The following PCDHA7 variants were observed in gnomAD, a reference collection of about 807,000 sequenced individuals.
PCDHA7 encodes the protein protocadherin alpha 7, also known as protocadherin alpha-7.
A neutral mutation model predicts 57.2 loss-of-function variants in PCDHA7; 37 were observed. The observed-to-expected ratio is 0.65, with a 90% CI of 0.50 to 0.85. The LOEUF (loss-of-function observed/expected upper bound fraction) is 0.85. Ranked by LOEUF, PCDHA7 falls within the 40% of genes least tolerant of loss-of-function variation. The pLI, the probability that PCDHA7 is intolerant of heterozygous loss-of-function variation, is 0.00. For missense variants in PCDHA7, 1,188 were observed against 1,241.8 expected, an observed-to-expected ratio of 0.96 and a Z score of 0.65; for synonymous variants, 553 against 558.8, an observed-to-expected ratio of 0.99 and a Z score of 0.15.
intron 1 of PCDHA7, chr5:140,857,981 C>G (rs377577023): frequency 6.3e-7 from 1 of 1,596,978 alleles, no homozygotes; most frequent in Non-Finnish European, 8.6e-7. Flanking sequence ...GCCACGCCAG[C>G]GCCTACTGGT....
At chr5:140,941,196 TTTCTTC>T (rs1563183935) in intron 1 of PCDHA7, among the ~76,000 whole-genome samples, 3 of 111,280 alleles carry the variant, frequency 2.7e-5, no homozygotes, top group East Asian at 2.3e-4. Context: ...TTTTTTTTTC[TTTCTTC>T]CTTTCTTTCT....
At chr5:140,842,093 G>C (rs145495287) in intron 1 of PCDHA7, 1 of 1,613,850 alleles carries the variant, frequency 6.2e-7, no homozygotes, top group Non-Finnish European at 8.5e-7. Context: ...CGCAGACAAC[G>C]GAACAACAGT....
chr5:140,992,857 CTCT>C (rs2097531206), intron 3 of PCDHA7, among the ~76,000 whole-genome samples: 2 of 152,148 alleles, frequency 1.3e-5, no homozygotes, highest in Non-Finnish European at 2.9e-5. Context: ...ACCAGTTTCA[CTCT>C]AGCTCCCTCC....
intron 1 of PCDHA7, chr5:140,843,073 T>A: frequency 6.3e-7 from 1 of 1,595,338 alleles, no homozygotes; most frequent in East Asian, 2.2e-5. Flanking sequence ...TGCCGCGGTC[T>A]GTGGGCGCGG....
rs1554206636 is a variant in PCDHA7, at chr5:140,929,056, A to G, written c.2356-49893A>G. The G allele has an allele frequency of 1.2e-6, 2 of 1,614,064 alleles. No individual in the cohort carries two copies. Among genetic ancestry groups the G allele is most frequent in the Non-Finnish European group, 1.7e-6 (2 of 1,180,034 alleles). On this transcript the variant is annotated intron_variant, in intron 1 of 3. Transcript: ENST00000525929. ...TTGCGCTCAGAGCTGCTGTCGCTCTACAGAGGATCTGAGGTATGGAAGTAA... is the reference window on the plus strand; with the variant it reads ...TTGCGCTCAGAGCTGCTGTCGCTCTGCAGAGGATCTGAGGTATGGAAGTAA...
intron 1 of PCDHA7, chr5:140,857,065 A>G (rs782608134): frequency 6.3e-7 from 1 of 1,594,864 alleles, no homozygotes; most frequent in Non-Finnish European, 8.6e-7. Flanking sequence ...TAGTGGAACT[A>G]CTGGATGAAA....
At chr5:140,902,185 TTC>T (rs370111655) in intron 1 of PCDHA7, among the ~76,000 whole-genome samples, 3 of 150,766 alleles carry the variant, frequency 2.0e-5, no homozygotes, top group South Asian at 2.1e-4. Flanking sequence ...CCTTTATGTC[TTC>T]TCTCTCTCTC....
In PCDHA7 at chr5:141,011,549, GA is replaced by G. The variant is rs2098421039; in HGVS notation, c.*1615del. Reference sequence around the variant, plus strand: ...CCATTGTTAATCAGCTTTTGTGTATGAAAGACACAGTAAAATTTCTTTCTTA... The same window carrying G: ...CCATTGTTAATCAGCTTTTGTGTATGAAGACACAGTAAAATTTCTTTCTTA... On this transcript the variant is annotated 3_prime_UTR_variant, in exon 4 of 4. Coordinates refer to ENST00000525929, the MANE Select transcript of PCDHA7 (RefSeq NM_018910.3). 1 of 153,674 alleles carries G rather than the reference GA, an allele frequency of 6.5e-6. No individual in the cohort carries two copies. Among genetic ancestry groups the G allele is most frequent in the Non-Finnish European group, 1.5e-5 (1 of 68,008 alleles). The allele number at this position is 153,674 out of a possible 1,614,324, so 9.5% of individuals were successfully genotyped here. A position where few individuals can be genotyped will look rare whatever the true frequency, so the allele number is the denominator to read the frequency against.
At chr5:140,979,055 T>A (rs2096833782) in intron 2 of PCDHA7, 48 bp downstream of exon 2, 1 of 1,607,848 alleles carries the variant, frequency 6.2e-7, no homozygotes, top group Non-Finnish European at 8.5e-7. Flanking sequence ...TAACTTGGTA[T>A]GGCTCAGATA....
At chr5:140,869,141 G>A in intron 1 of PCDHA7, 1 of 1,613,314 alleles carries the variant, frequency 6.2e-7, no homozygotes, top group Non-Finnish European at 8.5e-7. Context: ...GGCACCCCAC[G>A]ACTACAGCTC....
intron 1 of PCDHA7, among the ~76,000 whole-genome samples, chr5:140,961,680 C>T (rs989401730): frequency 3.3e-5 from 5 of 152,040 alleles, no homozygotes; most frequent in African/African-American, 4.8e-5. Flanking sequence ...TTAATTAAGC[C>T]GGAGTAGTCC....
intron 1 of PCDHA7, among the ~76,000 whole-genome samples, chr5:140,893,161 G>A (rs2063850346): frequency 6.6e-6 from 1 of 152,160 alleles, no homozygotes; most frequent in African/African-American, 2.4e-5. Context: ...TGGATATTGA[G>A]GTTGATTCCA....
chr5:140,877,161 G>C (rs2056901330), intron 1 of PCDHA7: 1 of 1,613,828 alleles, frequency 6.2e-7, no homozygotes, highest in Non-Finnish European at 8.5e-7. Context: ...ACAACGCGCC[G>C]GCACTGCTGG....
intron 1 of PCDHA7, chr5:140,883,583 G>T (rs782212784): frequency 2.5e-6 from 4 of 1,613,916 alleles, no homozygotes; most frequent in Non-Finnish European, 3.4e-6. Context: ...GTGGGCCACG[G>T]CCAGCGTGTC....
rs1554143145 is a variant in PCDHA7 at position 140,849,656 on chromosome 5, C to T, written c.2355+12918C>T. The T allele has an allele frequency of 2.4e-5, 38 of 1,598,658 alleles. 2 individuals are homozygous for T. Among genetic ancestry groups the T allele is most frequent in the Non-Finnish European group, 3.2e-5 (37 of 1,168,036 alleles). On this transcript the variant is annotated intron_variant, in intron 1 of 3. Transcript: ENST00000525929. The stretch of plus-strand genomic sequence containing the variant: ...CAGATGCCAACGGGCAGGTTACCTG[C>T]TCCCTGACGCCCCACGTCCCCTTCA...
chr5:140,851,389 T>C, intron 1 of PCDHA7: 1 of 974,212 alleles, frequency 1.0e-6, no homozygotes, highest in Non-Finnish European at 1.2e-6. Flanking sequence ...ACCTTCAGTA[T>C]CTATTATTTT....
intron 1 of PCDHA7, among the ~76,000 whole-genome samples, chr5:140,879,457 T>A (rs1554170803): frequency 6.6e-6 from 1 of 152,176 alleles, no homozygotes; most frequent in Non-Finnish European, 1.5e-5. Context: ...TTTGAAGTCC[T>A]AAGAGAATAC....
intron 3 of PCDHA7, among the ~76,000 whole-genome samples, chr5:140,992,700 G>A (rs2097525204): frequency 6.6e-6 from 1 of 152,162 alleles, no homozygotes; most frequent in Non-Finnish European, 1.5e-5. Flanking sequence ...GGTGGGTAAT[G>A]TTCCTGCCAG....
intron 3 of PCDHA7, among the ~76,000 whole-genome samples, chr5:140,990,586 A>G (rs544396898): frequency 7.2e-5 from 11 of 152,284 alleles, no homozygotes; most frequent in African/African-American, 2.6e-4. Flanking sequence ...CTTTTCCTAT[A>G]ATCACCTGGA....
Sources: allele counts gnomAD v4.1 joint callset (sites outside exome capture counted in the v4.1 genomes callset), GRCh38; gene constraint gnomAD v4.1.1; transcripts MANE v1.5; gene names NCBI Gene and HGNC (gene_info 2026-07-23, HGNC 2026-07-21).